Variants in HNRNPUL1 observed in about 807,000 individuals in gnomAD.
HNRNPUL1 encodes the protein heterogeneous nuclear ribonucleoprotein U like 1.
In HNRNPUL1, 14 loss-of-function variants were observed where a neutral mutation model predicts 108.5. The ratio of observed to expected loss-of-function variants is 0.13; its 90% CI spans 0.09 to 0.20. The LOEUF is 0.20. Among genes scored for constraint, HNRNPUL1 ranks in the 10% least tolerant of loss-of-function variants. The probability of loss-of-function intolerance (pLI) is 1.00; values close to 1 mark genes in which losing one functional copy is unlikely to be tolerated. For synonymous variants in HNRNPUL1, 422 were observed against 445.2 expected (o/e 0.95, Z 0.66); for missense variants, 804 against 1,168.3 (o/e 0.69, Z 4.55).
intron 5 of HNRNPUL1, chr19:41,276,561 T>C: frequency 3.0e-6 from 1 of 332,298 alleles, no homozygotes. Context: ...AGTCAACCAG[T>C]GTAGTGATGA....
At chr19:41,283,656 G>A (rs546779549) in intron 7 of HNRNPUL1, among the ~76,000 whole-genome samples, 41 of 152,182 alleles carry the variant, frequency 2.7e-4, no homozygotes, top group South Asian at 1.9e-3. Flanking sequence ...GGGTTTCGCC[G>A]TGTTGGCTAG....
Position 41,292,307 on chromosome 19 carries a change from T to C in HNRNPUL1, c.1062T>C (p.Ile354=). 1 of 1,614,224 alleles carries C rather than the reference T, an allele frequency of 6.2e-7. No individual in the cohort carries two copies. ...SFTKNGKWMG[I]AFRIQKEALG... ...CCAAGAATGGAAAGTGGATGGGCAT[T>C]GCTTTCCGAATCCAGAAGGAAGCCT... Residue 354 remains isoleucine (I), a synonymous_variant, in exon 8 of 15, where the codon ATT becomes ATC. Coordinates refer to ENST00000392006, the MANE Select transcript of HNRNPUL1 (RefSeq NM_007040.6). The surrounding 1 kb of genome is among the most constrained non-coding windows in gnomAD (Gnocchi z 4.1).
At chr19:41,286,184 CT>C (rs140121122) in intron 7 of HNRNPUL1, among the ~76,000 whole-genome samples, 158 of 143,336 alleles carry the variant, frequency 1.1e-3, no homozygotes, top group Middle Eastern at 3.6e-3. Flanking sequence ...CTAACTTTTC[CT>C]TTTTTTTTTT....
intron 11 of HNRNPUL1, 109 bp from the exon 12 acceptor site, chr19:41,302,545 ATTCCAGTTTTC>A: frequency 8.0e-7 from 1 of 1,251,302 alleles, no homozygotes; most frequent in Non-Finnish European, 1.2e-6. Flanking sequence ...CTTATTCACT[ATTCCAGTTTTC>A]TTCACCTTCT....
At position 41,307,621 on chromosome 19, in the gene HNRNPUL1, T is replaced by C. The variant is rs2037612431; in HGVS notation, c.*1056T>C. On this transcript the variant is annotated 3_prime_UTR_variant, in exon 15 of 15. Coordinates refer to ENST00000392006, the MANE Select transcript of HNRNPUL1 (RefSeq NM_007040.6). ...TATTAAGAAATGTGTTTGCCCTGTTTTGTTTGGTTTCGTTTTGTTTTCTTT... is the reference window on the plus strand; with the variant it reads ...TATTAAGAAATGTGTTTGCCCTGTTCTGTTTGGTTTCGTTTTGTTTTCTTT... 1 of 152,630 alleles carries C rather than the reference T, an allele frequency of 6.6e-6. No homozygotes were observed. Among genetic ancestry groups the C allele is most frequent in the Non-Finnish European group, 1.5e-5 (1 of 68,032 alleles). The allele number at this position is 152,630 out of a possible 1,614,324, so 9.5% of individuals were successfully genotyped here.
rs748283525 is a variant in HNRNPUL1 at position 41,294,439 on chromosome 19, T to C, written c.1368T>C (p.Asn456=). 1.2e-6 allele frequency: 2 copies of C among 1,614,174 alleles called. No homozygotes were observed. Among genetic ancestry groups the C allele is most frequent in the Non-Finnish European group, 1.7e-6 (2 of 1,180,018 alleles). The change falls in exon 9 of 15, where the codon AAT becomes AAC. Residue 456 remains asparagine, a synonymous_variant. Coordinates refer to ENST00000392006, the MANE Select transcript of HNRNPUL1 (RefSeq NM_007040.6). The surrounding 1 kb of genome is among the most constrained non-coding windows in gnomAD (Gnocchi z 4.3). ...AGAAGTACAACATCCTGGGTACCAA[T>C]GCCATCATGGATAAGATGCGGGTAA... is the stretch of plus-strand genomic sequence containing the variant. ...PSKKYNILGT[N]AIMDKMRVMG...
At chr19:41,281,695 G>T (rs762779982) in intron 7 of HNRNPUL1, among the ~76,000 whole-genome samples, 4 of 152,030 alleles carry the variant, frequency 2.6e-5, no homozygotes, top group Non-Finnish European at 5.9e-5. Flanking sequence ...ATCTCACATT[G>T]GTTGAGCCAG....
rs2037605303 is a variant in HNRNPUL1 at position 41,307,474 on chromosome 19, C to T, written c.*909C>T. On this transcript the variant is annotated 3_prime_UTR_variant, in exon 15 of 15. Coordinates refer to ENST00000392006, the MANE Select transcript of HNRNPUL1 (RefSeq NM_007040.6). ...TTCCCTTCAGAACTTGAAGTTTCTCCCACTGCCTCCTCTCCAGTGGTCTCC... is the reference window on the plus strand; with the variant it reads ...TTCCCTTCAGAACTTGAAGTTTCTCTCACTGCCTCCTCTCCAGTGGTCTCC... The T allele has an allele frequency of 6.6e-6, 1 of 152,528 alleles. No homozygotes were observed. The highest frequency in any genetic ancestry group is 2.1e-4 in the South Asian group (1 of 4,826). The allele number at this position is 152,528 out of a possible 1,614,324, so 9.4% of individuals were successfully genotyped here. A position where few individuals can be genotyped will look rare whatever the true frequency, so the allele number is the denominator to read the frequency against.
intron 7 of HNRNPUL1, among the ~76,000 whole-genome samples, chr19:41,287,818 C>T (rs184552156): frequency 3.2e-4 from 48 of 152,254 alleles, no homozygotes; most frequent in African/African-American, 1.2e-3. Flanking sequence ...CCTCAGCCTC[C>T]CAAAGTGCTG....
At chr19:41,273,679 G>T (rs1030215573) in intron 3 of HNRNPUL1, among the ~76,000 whole-genome samples, 1 of 152,184 alleles carries the variant, frequency 6.6e-6, no homozygotes, top group Non-Finnish European at 1.5e-5. Flanking sequence ...TCAACATGCA[G>T]AGGGTATGGA....
intron 1 of HNRNPUL1, 30 bp from the exon 2 acceptor site, chr19:41,268,193 C>CT (rs1469671608): frequency 3.7e-6 from 6 of 1,609,788 alleles, no homozygotes; most frequent in Non-Finnish European, 5.1e-6. Context: ...AACCGCCCCT[C>CT]TAATTGGCCA....
At chr19:41,279,009 C>G in intron 5 of HNRNPUL1, 68 bp from the exon 6 acceptor site, 1 of 1,050,614 alleles carries the variant, frequency 9.5e-7, no homozygotes, top group Non-Finnish European at 1.5e-6. Flanking sequence ...ATGCTTCCCT[C>G]CTATATTGGC....
intron 1 of HNRNPUL1, among the ~76,000 whole-genome samples, chr19:41,265,585 C>T (rs187024710): frequency 2.1e-4 from 32 of 152,202 alleles, no homozygotes; most frequent in Admixed American, 1.8e-3. Context: ...TATAGGGAGC[C>T]CTGGTGTCCA....
At chr19:41,299,375 G>C (rs890086242) in intron 10 of HNRNPUL1, among the ~76,000 whole-genome samples, 1 of 152,178 alleles carries the variant, frequency 6.6e-6, no homozygotes, top group African/African-American at 2.4e-5. Context: ...CAGCAGATTT[G>C]TGCTGGAGTC....
rs755564298 is a variant in HNRNPUL1 at position 41,302,829 on chromosome 19, C to T, written c.1852C>T (p.Arg618Trp). Residue 618 changes from arginine (R) to tryptophan (W), a missense_variant, in exon 12 of 15, where the codon CGG becomes TGG. Arg to Trp is a moderately radical substitution (Grantham distance 101). Around this residue, in one of 4 missense-constraint regions of HNRNPUL1, gnomAD observed 294 missense variants for 388.3 expected, o/e 0.76. Coordinates refer to ENST00000392006, the MANE Select transcript of HNRNPUL1 (RefSeq NM_007040.6). ...RFDNRGGGGF[R>W]GRGGGGGFQR... ...TGACAACCGAGGTGGTGGTGGCTTC[C>T]GGGGCCGCGGGGGTGGTGGTGGCTT... The T allele has an allele frequency of 2.2e-5, 35 of 1,597,764 alleles. No individual in the cohort carries two copies. Among genetic ancestry groups the T allele is most frequent in the Admixed American group, 8.5e-5 (5 of 58,838 alleles).
chr19:41,263,197 G>A (rs2034606134), upstream of HNRNPUL1, among the ~76,000 whole-genome samples: 1 of 152,126 alleles, frequency 6.6e-6, no homozygotes, highest in South Asian at 2.1e-4. Flanking sequence ...GGAGGCAGTG[G>A]GAGTCTGCAT....
At chr19:41,299,813 A>G (rs1178030623) in intron 10 of HNRNPUL1, among the ~76,000 whole-genome samples, 1 of 151,902 alleles carries the variant, frequency 6.6e-6, no homozygotes, top group Non-Finnish European at 1.5e-5. Flanking sequence ...AGGTCACTAT[A>G]AGCTTAACCT....
At chr19:41,279,360 A>G (rs1187901014) in intron 6 of HNRNPUL1, among the ~76,000 whole-genome samples, 184 bp downstream of exon 6, 1 of 152,204 alleles carries the variant, frequency 6.6e-6, no homozygotes, top group Admixed American at 6.5e-5. Flanking sequence ...TGAGAGGACT[A>G]TGGTCATGAA....
chr19:41,265,108 C>G, intron 1 of HNRNPUL1: 1 of 1,413,532 alleles, frequency 7.1e-7, no homozygotes, highest in African/African-American at 1.5e-5. Context: ...CGAAGAGAGT[C>G]GGAAGAACAA....
Sources: allele counts gnomAD v4.1 joint callset (sites outside exome capture counted in the v4.1 genomes callset), GRCh38; gene constraint gnomAD v4.1.1; regional missense constraint gnomAD v4.1.1; non-coding constraint Gnocchi (gnomAD v3.1); transcripts MANE v1.5; gene names NCBI Gene and HGNC (gene_info 2026-07-23, HGNC 2026-07-21).